SHISAL1: variants seen among roughly 807,000 people sequenced by gnomAD.
The protein encoded by SHISAL1 is protein shisa-like-1.
Under a neutral mutation model 22.6 loss-of-function variants are expected in SHISAL1, and 9 were observed. That is an observed-to-expected ratio of 0.40 (90% confidence interval 0.24 to 0.70). The LOEUF is 0.70. SHISAL1 is among the 30% of genes least tolerant of loss of function. The pLI is 0.39. For missense variants in SHISAL1, 246 were observed against 270.6 expected, an observed-to-expected ratio of 0.91 and a Z score of 0.64; for synonymous variants, 119 against 115.4, an observed-to-expected ratio of 1.03 and a Z score of -0.20.
chr22:44,296,599 A>C, intron 3 of SHISAL1, 73 bp downstream of exon 3: 25 of 1,340,662 alleles, frequency 1.9e-5, no homozygotes, highest in Non-Finnish European at 2.6e-5. Flanking sequence ...TCCCTAGGGG[A>C]CGCGATTTTG....
At chr22:44,298,820 A>C (rs2055405870) in intron 2 of SHISAL1, among the ~76,000 whole-genome samples, 1 of 152,180 alleles carries the variant, frequency 6.6e-6, no homozygotes. Context: ...GGTCCTGCCC[A>C]TTACCAGCAC....
chr22:44,259,341 G>T (rs1015492898), intron 4 of SHISAL1, among the ~76,000 whole-genome samples: 4 of 152,170 alleles, frequency 2.6e-5, no homozygotes, highest in African/African-American at 9.7e-5. Context: ...AGGAGGCTGA[G>T]GCAGGAGAAT....
chr22:44,282,238 G>C (rs2055281749), intron 4 of SHISAL1, among the ~76,000 whole-genome samples: 1 of 152,196 alleles, frequency 6.6e-6, no homozygotes, highest in South Asian at 2.1e-4. Context: ...CCCCAGCTCT[G>C]GGATCTGCTC....
chr22:44,301,345 C>A (rs774326717), intron 1 of SHISAL1, among the ~76,000 whole-genome samples: 9 of 152,168 alleles, frequency 5.9e-5, no homozygotes, highest in Non-Finnish European at 1.3e-4. Flanking sequence ...GGACCCAGGT[C>A]CCCTGCTGTG....
intron 4 of SHISAL1, among the ~76,000 whole-genome samples, chr22:44,257,479 A>T (rs1384076382): frequency 6.8e-6 from 1 of 147,242 alleles, no homozygotes; most frequent in Non-Finnish European, 1.5e-5. Context: ...TGCCACTTAC[A>T]CATTGAGCCC....
chr22:44,285,831 G>T, intron 3 of SHISAL1, 86 bp from the exon 4 acceptor site: 1 of 1,163,094 alleles, frequency 8.6e-7, no homozygotes, highest in Non-Finnish European at 1.3e-6. Flanking sequence ...ATTAGAGAAT[G>T]TGTCCTGGGG....
intron 4 of SHISAL1, among the ~76,000 whole-genome samples, chr22:44,269,646 A>C (rs1433790323): frequency 1.4e-5 from 2 of 147,472 alleles, no homozygotes; most frequent in African/African-American, 5.3e-5. Context: ...GCCACAAACA[A>C]CACACACACA....
At chr22:44,325,683 GA>G in the SHISAL1 span, among the ~76,000 whole-genome samples, 10 of 152,220 alleles carry the variant, frequency 6.6e-5, no homozygotes, top group East Asian at 1.6e-3. Context: ...CTCCTTTAGG[GA>G]AACTTGGCCT....
rs1240971474 is a variant in SHISAL1 at position 44,248,892 on chromosome 22, T to C, written c.*793A>G. The C allele has an allele frequency of 6.6e-6, 1 of 152,176 alleles. No individual in the cohort carries two copies. Among genetic ancestry groups the C allele is most frequent in the Non-Finnish European group, 1.5e-5 (1 of 68,042 alleles). 9.4% of individuals were successfully genotyped at this position (152,176 alleles called of 1,614,324 possible). On this transcript the variant is annotated 3_prime_UTR_variant, in exon 5 of 5. Transcript: ENST00000381176. The stretch of plus-strand genomic sequence containing the variant: ...GAGTTTTTCTGCAGGGGGTTAATCA[T>C]ACCTGCCTCCCAGGTGGTGAGAGAG...
At chr22:44,271,030 C>T (rs1173219626) in intron 4 of SHISAL1, among the ~76,000 whole-genome samples, 1 of 152,150 alleles carries the variant, frequency 6.6e-6, no homozygotes, top group Non-Finnish European at 1.5e-5. Flanking sequence ...TGGATAGAGA[C>T]AAGAAAAGAG....
At chr22:44,300,166 GAGAGAT>G (rs1213766430) in intron 2 of SHISAL1, among the ~76,000 whole-genome samples, 2 of 150,950 alleles carry the variant, frequency 1.3e-5, no homozygotes, top group African/African-American at 4.9e-5. Flanking sequence ...CAGAGACAGA[GAGAGAT>G]AGAGATACAG....
rs71762111 is a variant in SHISAL1 at position 44,273,099 on chromosome 22, A to AG, written c.599+12328_599+12329insC. Among the ~76,000 whole-genome samples the AG allele has an allele frequency of 9.0e-4, 137 of 152,070 alleles. 2 individuals carry two copies. The highest frequency in any genetic ancestry group is 3.1e-3 in the African/African-American group (128 of 41,426). On this transcript the variant is annotated intron_variant, in intron 4 of 4. Coordinates refer to ENST00000381176, the MANE Select transcript of SHISAL1 (RefSeq NM_001099294.2). ...CAACAGAGCAAGACTCTGTCTCCAA[A>AG]AAAAAAACAAAAAAAACCACATTGG... is the stretch of plus-strand genomic sequence containing the variant.
chr22:44,315,880 C>G (rs2055555424), upstream of SHISAL1, among the ~76,000 whole-genome samples: 1 of 152,062 alleles, frequency 6.6e-6, no homozygotes, highest in Non-Finnish European at 1.5e-5. Context: ...AGTTCCCCGG[C>G]CTCAGGTGAT....
rs1262231338 is a variant in SHISAL1 at position 44,246,645 on chromosome 22, G to T, written c.*3040C>A. ...TTGAGGAGCCCTTGACACCATTGGG[G>T]GATTGAATACACACACACCTGCTTT... On this transcript the variant is annotated 3_prime_UTR_variant, in exon 5 of 5. Transcript: ENST00000381176. The T allele has an allele frequency of 6.6e-6, 1 of 152,178 alleles. No homozygotes were observed. Among genetic ancestry groups the T allele is most frequent in the Non-Finnish European group, 1.5e-5 (1 of 68,146 alleles). The allele number at this position is 152,178 out of a possible 1,614,324, so 9.4% of individuals were successfully genotyped here.
chr22:44,313,780 A>G (rs926159637), upstream of SHISAL1, among the ~76,000 whole-genome samples: 2 of 152,202 alleles, frequency 1.3e-5, no homozygotes, highest in East Asian at 3.9e-4. Flanking sequence ...GCAGCCATAA[A>G]GGAGGCCAGC....
chr22:44,313,362 A>G (rs2055534044), upstream of SHISAL1, among the ~76,000 whole-genome samples: 1 of 152,136 alleles, frequency 6.6e-6, no homozygotes, highest in Non-Finnish European at 1.5e-5. Flanking sequence ...GGTGTGGGTA[A>G]AACAAACGGT....
intron 4 of SHISAL1, 109 bp downstream of exon 4, chr22:44,285,319 A>G: frequency 1.6e-6 from 2 of 1,221,080 alleles, no homozygotes; most frequent in East Asian, 2.4e-5. Flanking sequence ...ATAAGCAAAC[A>G]ATCAGGCAAC....
At chr22:44,302,505 A>G (rs2055438354) in intron 1 of SHISAL1, among the ~76,000 whole-genome samples, 1 of 152,214 alleles carries the variant, frequency 6.6e-6, no homozygotes, top group African/African-American at 2.4e-5. Flanking sequence ...CTGCTTTAGA[A>G]GGGTGGTAAG....
chr22:44,249,772 G>C, intron 4 of SHISAL1, 87 bp from the exon 5 acceptor site: 1 of 763,812 alleles, frequency 1.3e-6, no homozygotes, highest in Non-Finnish European at 2.4e-6. Flanking sequence ...GAAGAAGCCA[G>C]GTTTTCTCTG....
Sources: allele counts gnomAD v4.1 joint callset (sites outside exome capture counted in the v4.1 genomes callset), GRCh38; gene constraint gnomAD v4.1.1; transcripts MANE v1.5; gene names NCBI Gene and HGNC (gene_info 2026-07-23, HGNC 2026-07-21).